The following VAC14 variants were observed in gnomAD, a reference collection of about 807,000 sequenced individuals.
VAC14 encodes the protein protein VAC14 homolog.
In VAC14, 47 loss-of-function variants were observed where a neutral mutation model predicts 85.3. The ratio of observed to expected loss-of-function variants is 0.55; its 90% CI spans 0.44 to 0.70. The LOEUF (loss-of-function observed/expected upper bound fraction) is 0.70. VAC14 is among the 30% of genes least tolerant of loss of function. The pLI, the probability that VAC14 is intolerant of heterozygous loss-of-function variation, is 0.00. For missense variants in VAC14, 861 were observed against 1,004.3 expected (o/e 0.86, Z 1.93); for synonymous variants, 447 against 430.5 (o/e 1.04, Z -0.47).
At position 70,772,212 on chromosome 16, in the gene VAC14, T is replaced by G. The variant is rs756141946; in HGVS notation, c.1097-40A>C. 1.9e-6 allele frequency: 3 copies of G among 1,572,564 alleles called. No homozygotes were observed. In the African/African-American group the frequency reaches 4.1e-5, roughly 21 times the overall value. On this transcript the variant is annotated intron_variant, in intron 9 of 18. Coordinates refer to ENST00000261776, the MANE Select transcript of VAC14 (RefSeq NM_018052.5). ...GGAACAAGGGGTCATGAAAGGCTGT[T>G]GGCTCTCTTGAATAAACAAGACCCC... is the stretch of plus-strand genomic sequence containing the variant.
chr16:70,755,171 C>T (rs115213258), intron 12 of VAC14: 3,201 of 313,154 alleles, frequency 0.01, 97 homozygotes, highest in African/African-American at 0.064. Flanking sequence ...GGCCTCAGCG[C>T]TTCTGGGAGA....
chr16:70,778,627 A>C (rs1393381710), intron 9 of VAC14: 3 of 152,180 alleles, frequency 2.0e-5, no homozygotes, highest in Non-Finnish European at 4.4e-5. Flanking sequence ...CCTTTTCTTC[A>C]AACCCAGGCA....
chr16:70,713,270 T>A (rs569532542), intron 14 of VAC14, among the ~76,000 whole-genome samples: 17 of 152,298 alleles, frequency 1.1e-4, no homozygotes, highest in African/African-American at 4.1e-4. Context: ...AGCCCCCATC[T>A]CCACTTAGAG....
At position 70,687,915 on chromosome 16, in the gene VAC14, CGTGCCAGGCCT is replaced by C; in HGVS notation, c.*2_*12del. ...TGGGACCACTCGGTGGGCCCTCCTC[CGTGCCAGGCCT>C]GTCAGAGGACAACCCTCCGGTCCAG... On this transcript the variant is annotated 3_prime_UTR_variant, in exon 19 of 19. Transcript: ENST00000261776. 1 of 1,510,862 alleles carries C rather than the reference CGTGCCAGGCCT, an allele frequency of 6.6e-7. No homozygotes were observed. Among genetic ancestry groups the C allele is most frequent in the Non-Finnish European group, 8.9e-7 (1 of 1,122,660 alleles). 93.6% of individuals were successfully genotyped at this position (1,510,862 alleles called of 1,614,324 possible).
At chr16:70,737,739 CTGCCCCGGGA>C (rs1174154490) in intron 13 of VAC14, among the ~76,000 whole-genome samples, 6 of 152,376 alleles carry the variant, frequency 3.9e-5, no homozygotes, top group Non-Finnish European at 7.3e-5. Flanking sequence ...CACAAACAAC[CTGCCCCGGGA>C]TGTTTTGGAT....
chr16:70,703,724 G>A (rs1182055881), intron 14 of VAC14, among the ~76,000 whole-genome samples: 5 of 152,180 alleles, frequency 3.3e-5, no homozygotes, highest in African/African-American at 1.2e-4. Context: ...GCTTCTCTTT[G>A]GTTTCTCTGC....
At chr16:70,761,018 T>TGTGCGC (rs1555523169) in intron 12 of VAC14, 2 of 267,786 alleles carry the variant, frequency 7.5e-6, no homozygotes, top group Admixed American at 4.5e-5. Context: ...TGTGTGTGTG[T>TGTGCGC]GCATGGGGGG....
chr16:70,782,806 A>G (rs2033874780), intron 7 of VAC14, among the ~76,000 whole-genome samples: 1 of 152,138 alleles, frequency 6.6e-6, no homozygotes, highest in Admixed American at 6.5e-5. Context: ...GGCCACACAC[A>G]CCAGGTGAAA....
intron 13 of VAC14, among the ~76,000 whole-genome samples, chr16:70,736,824 A>G (rs1220064746): frequency 6.9e-6 from 1 of 145,426 alleles, no homozygotes; most frequent in East Asian, 2.2e-4. Context: ...GAGGGGCTGC[A>G]TTGAGACCAC....
rs60721142 is a variant in VAC14, at chr16:70,768,966, A to ATT, written c.1160+3141_1160+3142dup. Reference sequence around the variant, plus strand: ...CAGGTAAGTGCCACCACGCCTGGCTATTTTTTTTTTTTTTTTAATTTTTAT... The same window carrying ATT: ...CAGGTAAGTGCCACCACGCCTGGCTATTTTTTTTTTTTTTTTTTAATTTTTAT... On this transcript the variant is annotated intron_variant, in intron 10 of 18. Coordinates refer to ENST00000261776, the MANE Select transcript of VAC14 (RefSeq NM_018052.5). 261 of 215,844 alleles carry ATT rather than the reference A, an allele frequency of 1.2e-3. 1 individual carries two copies. The highest frequency in any genetic ancestry group is 1.7e-3 in the South Asian group (39 of 23,254). The allele number at this position is 215,844 out of a possible 1,614,324, so 13.4% of individuals were successfully genotyped here. A position where few individuals can be genotyped will look rare whatever the true frequency, so the allele number is the denominator to read the frequency against.
At chr16:70,748,991 AC>A (rs1280099419) in intron 12 of VAC14, among the ~76,000 whole-genome samples, 1 of 152,224 alleles carries the variant, frequency 6.6e-6, no homozygotes, top group African/African-American at 2.4e-5. Flanking sequence ...AGCTCATGAC[AC>A]AAAGAAGTCT....
intron 14 of VAC14, among the ~76,000 whole-genome samples, chr16:70,723,309 G>T (rs1228466787): frequency 6.6e-6 from 1 of 151,934 alleles, no homozygotes; most frequent in African/African-American, 2.4e-5. Context: ...TAGGCATGGT[G>T]GTGTGTGCCT....
At chr16:70,688,915 A>T (rs1430406800) in intron 18 of VAC14, 13 of 985,322 alleles carry the variant, frequency 1.3e-5, no homozygotes, top group African/African-American at 1.7e-5. Context: ...ACTGGTTTGG[A>T]GGAGCAGATC....
intron 7 of VAC14, among the ~76,000 whole-genome samples, chr16:70,782,499 T>C (rs1039022036): frequency 6.6e-6 from 1 of 152,234 alleles, no homozygotes; most frequent in African/African-American, 2.4e-5. Flanking sequence ...CGGCATGACA[T>C]GAGCCAGACA....
chr16:70,761,596 T>C (rs911236753), intron 12 of VAC14, among the ~76,000 whole-genome samples: 8 of 151,922 alleles, frequency 5.3e-5, no homozygotes, highest in Non-Finnish European at 5.9e-5. Flanking sequence ...TGTGGAAAGG[T>C]GTGTGTGGCT....
intron 1 of VAC14, among the ~76,000 whole-genome samples, chr16:70,799,816 C>CA (rs2034691798): frequency 6.6e-6 from 1 of 152,226 alleles, no homozygotes; most frequent in South Asian, 2.1e-4. Context: ...ATGATGGAAA[C>CA]AGTCTATAAT....
intron 14 of VAC14, among the ~76,000 whole-genome samples, chr16:70,705,380 C>G (rs1428944619): frequency 1.3e-5 from 2 of 152,234 alleles, no homozygotes; most frequent in Non-Finnish European, 2.9e-5. Context: ...CCTGCAGGGC[C>G]CTTGGTGGAC....
At position 70,762,165 on chromosome 16, in the gene VAC14, T is replaced by A. The variant is rs2032446468; in HGVS notation, c.1371+375A>T. 6.6e-6 allele frequency among the ~76,000 whole-genome samples: 1 copy of A among 152,110 alleles called. No homozygotes were observed. The highest frequency in any genetic ancestry group is 1.9e-4 in the East Asian group (1 of 5,176). ...CTCTGTCGCCCAAGCTGGAGTGCAGTGGCACGATCTCTGCTCACTGCAACC... is the reference window on the plus strand; with the variant it reads ...CTCTGTCGCCCAAGCTGGAGTGCAGAGGCACGATCTCTGCTCACTGCAACC... On this transcript the variant is annotated intron_variant, in intron 12 of 18. Coordinates refer to ENST00000261776, the MANE Select transcript of VAC14 (RefSeq NM_018052.5). This position sits in a 1 kb window ranked among gnomAD's most constrained non-coding sequence, Gnocchi z 4.1.
At chr16:70,737,760 T>C (rs1179458577) in intron 13 of VAC14, among the ~76,000 whole-genome samples, 1 of 152,204 alleles carries the variant, frequency 6.6e-6, no homozygotes, top group African/African-American at 2.4e-5. Context: ...TGTTTTGGAT[T>C]GAGTTTTGTG....
Sources: allele counts gnomAD v4.1 joint callset (sites outside exome capture counted in the v4.1 genomes callset), GRCh38; gene constraint gnomAD v4.1.1; non-coding constraint Gnocchi (gnomAD v3.1); transcripts MANE v1.5; gene names NCBI Gene and HGNC (gene_info 2026-07-23, HGNC 2026-07-21).